The following LRP1B variants were observed in gnomAD, a reference collection of about 807,000 sequenced individuals.
LRP1B encodes LDL receptor related protein 1B.
Under a neutral mutation model 556.6 loss-of-function variants are expected in LRP1B, and 217 were observed. That is an observed-to-expected ratio of 0.39 (90% CI 0.35 to 0.44). The LOEUF is 0.44. Ranked by LOEUF, LRP1B falls within the 20% of genes least tolerant of loss-of-function variation. LRP1B has a pLI of 1.00. For synonymous variants in LRP1B, 2,047 were observed against 1,865.8 expected, an observed-to-expected ratio of 1.10 and a Z score of -2.50; for missense variants, 5,053 against 5,620.8, an observed-to-expected ratio of 0.90 and a Z score of 3.23.
intron 1 of LRP1B, among the ~76,000 whole-genome samples, chr2:141,925,568 G>C (rs1277015672): frequency 1.3e-5 from 2 of 152,172 alleles, no homozygotes; most frequent in Admixed American, 6.6e-5. Flanking sequence ...TACTGTCTAG[G>C]CCAGACAATG....
chr2:141,552,684 G>A (rs1273094607), intron 2 of LRP1B, among the ~76,000 whole-genome samples: 1 of 151,898 alleles, frequency 6.6e-6, no homozygotes, highest in Admixed American at 6.6e-5. Context: ...AAATGTTCTT[G>A]AGAAAATTCA....
At chr2:141,377,191 A>C (rs1573875531) in intron 3 of LRP1B, among the ~76,000 whole-genome samples, 1 of 152,138 alleles carries the variant, frequency 6.6e-6, no homozygotes, top group South Asian at 2.1e-4. Flanking sequence ...TTCATGTTTC[A>C]TTCCAAATTT....
intron 35 of LRP1B, among the ~76,000 whole-genome samples, chr2:140,748,330 T>C (rs1416370640): frequency 8.1e-6 from 1 of 123,392 alleles, no homozygotes; most frequent in Admixed American, 9.5e-5. Flanking sequence ...TAATATATAT[T>C]ATATTCATAT....
At chr2:140,998,014 T>C (rs1697303974) in intron 15 of LRP1B, among the ~76,000 whole-genome samples, 1 of 152,014 alleles carries the variant, frequency 6.6e-6, no homozygotes, top group South Asian at 2.1e-4. Flanking sequence ...AACTTTTTAC[T>C]GCCTTAAACT....
intron 1 of LRP1B, among the ~76,000 whole-genome samples, chr2:142,031,188 T>C (rs1340627455): frequency 6.6e-6 from 1 of 151,798 alleles, no homozygotes; most frequent in Non-Finnish European, 1.5e-5. Context: ...TCTTCTTGTG[T>C]GTGTGTAATG....
At chr2:141,469,121 C>G (rs2105064192) in intron 3 of LRP1B, among the ~76,000 whole-genome samples, 1 of 152,296 alleles carries the variant, frequency 6.6e-6, no homozygotes, top group African/African-American at 2.4e-5. Flanking sequence ...GATTTACTTT[C>G]ACTAAAATAT....
chr2:141,505,294 C>G (rs1218504268), intron 2 of LRP1B, among the ~76,000 whole-genome samples: 1 of 151,840 alleles, frequency 6.6e-6, no homozygotes, highest in African/African-American at 2.4e-5. Context: ...TTGTAAGTCT[C>G]AGCAAATCTT....
intron 34 of LRP1B, 80 bp from the exon 35 acceptor site, chr2:140,769,424 ATTTTT>A (rs1415094221): frequency 7.4e-7 from 1 of 1,344,290 alleles, no homozygotes; most frequent in Non-Finnish European, 1.0e-6. Context: ...CATTTGTATT[ATTTTT>A]AACAATCTTA....
intron 31 of LRP1B, among the ~76,000 whole-genome samples, chr2:140,819,988 T>C (rs945540962): frequency 6.6e-6 from 1 of 152,110 alleles, no homozygotes; most frequent in African/African-American, 2.4e-5. Context: ...ATAATGTCCA[T>C]ATAAACCTTT....
At chr2:141,447,157 A>C (rs1267717372) in intron 3 of LRP1B, among the ~76,000 whole-genome samples, 1 of 151,500 alleles carries the variant, frequency 6.6e-6, no homozygotes, top group Non-Finnish European at 1.5e-5. Context: ...TTATTTCATT[A>C]AGTTGATCTT....
chr2:140,250,486 C>A (rs1681363712), intron 86 of LRP1B, among the ~76,000 whole-genome samples: 1 of 151,326 alleles, frequency 6.6e-6, no homozygotes, highest in Non-Finnish European at 1.5e-5. Flanking sequence ...TCAATAGCTG[C>A]ATGGTAAAGG....
At chr2:140,417,959 G>A (rs1685271138) in intron 66 of LRP1B, among the ~76,000 whole-genome samples, 1 of 152,174 alleles carries the variant, frequency 6.6e-6, no homozygotes, top group Admixed American at 6.5e-5. Context: ...GTTTCTAAAG[G>A]TCGATCACTA....
At chr2:141,768,005 G>C (rs563646555) in intron 2 of LRP1B, among the ~76,000 whole-genome samples, 1 of 152,148 alleles carries the variant, frequency 6.6e-6, no homozygotes, top group African/African-American at 2.4e-5. Context: ...AAGAATCTGG[G>C]GGACAATATA....
At chr2:140,403,070 G>T (rs1684576204) in intron 66 of LRP1B, among the ~76,000 whole-genome samples, 1 of 151,752 alleles carries the variant, frequency 6.6e-6, no homozygotes, top group Non-Finnish European at 1.5e-5. Context: ...ACCAAATTAG[G>T]CTATAATAAA....
intron 84 of LRP1B, among the ~76,000 whole-genome samples, chr2:140,292,011 G>A (rs1436220538): frequency 6.6e-6 from 1 of 152,100 alleles, no homozygotes; most frequent in Non-Finnish European, 1.5e-5. Context: ...TCTAAGTGGT[G>A]TGAGATGGTA....
chr2:141,006,193 T>A (rs1374478041), intron 14 of LRP1B, among the ~76,000 whole-genome samples: 1 of 152,058 alleles, frequency 6.6e-6, no homozygotes, highest in African/African-American at 2.4e-5. Context: ...TTGTTCATAG[T>A]CATAGTGATG....
At chr2:141,854,980 T>A (rs897011688) in intron 1 of LRP1B, among the ~76,000 whole-genome samples, 2 of 152,104 alleles carry the variant, frequency 1.3e-5, no homozygotes, top group African/African-American at 4.8e-5. Context: ...GCATGAAGTA[T>A]GTAGTAAGTA....
intron 29 of LRP1B, among the ~76,000 whole-genome samples, chr2:140,844,232 T>G (rs997909428): frequency 4.6e-5 from 7 of 151,962 alleles, no homozygotes; most frequent in African/African-American, 1.7e-4. Context: ...CAGCTAATTT[T>G]TTTGTATTTT....
At chr2:141,489,469 C>T (rs1444371248) in intron 2 of LRP1B, among the ~76,000 whole-genome samples, 5 of 151,842 alleles carry the variant, frequency 3.3e-5, no homozygotes, top group Non-Finnish European at 7.4e-5. Context: ...AAAACAGTTA[C>T]AGCAATCTAG....
Sources: gnomAD v4.1 joint callset for allele counts (sites outside exome capture counted in the v4.1 genomes callset) on GRCh38, gnomAD v4.1.1 for gene constraint, MANE v1.5 for transcripts, NCBI Gene and HGNC (gene_info 2026-07-23, HGNC 2026-07-21) for gene names.